The following CHD6 variants were observed in gnomAD, a reference collection of about 807,000 sequenced individuals.
The protein encoded by CHD6 is chromodomain helicase DNA binding protein 6, also known as ATP-dependent chromatin remodeler CHD6.
A neutral mutation model predicts 276.9 loss-of-function variants in CHD6; 50 were observed. That is an observed-to-expected ratio of 0.18 (90% CI 0.14 to 0.23). CHD6 has a LOEUF of 0.23. CHD6 is among the 10% of genes least tolerant of loss of function. CHD6 has a pLI of 1.00. For synonymous variants in CHD6, 1,173 were observed against 1,229.3 expected, an observed-to-expected ratio of 0.95 and a Z score of 0.96; for missense variants, 2,564 against 3,365.8, an observed-to-expected ratio of 0.76 and a Z score of 5.89.
intron 5 of CHD6, among the ~76,000 whole-genome samples, chr20:41,501,934 G>A (rs1018617643): frequency 7.2e-5 from 11 of 151,958 alleles, no homozygotes; most frequent in African/African-American, 2.7e-4. Context: ...CTGGACATTT[G>A]GATATCCTCT....
At chr20:41,506,618 G>A (rs569773726) in intron 5 of CHD6, among the ~76,000 whole-genome samples, 1 of 152,142 alleles carries the variant, frequency 6.6e-6, no homozygotes, top group Non-Finnish European at 1.5e-5. Flanking sequence ...TGCCATTGAT[G>A]TACTAGGTAA....
chr20:41,498,799 ATGTATGTATGTATGTG>A (rs754360468), intron 6 of CHD6, among the ~76,000 whole-genome samples: 60 of 94,814 alleles, frequency 6.3e-4, no homozygotes, highest in African/African-American at 2.6e-3. Context: ...GTATGTATGT[ATGTATGTATGTATGTG>A]TGTGTGTGTG....
At chr20:41,514,190 G>A (rs754966730) in intron 4 of CHD6, among the ~76,000 whole-genome samples, 21 of 152,244 alleles carry the variant, frequency 1.4e-4, no homozygotes, top group Non-Finnish European at 2.9e-4. Flanking sequence ...TTCTAAATGA[G>A]CCTTGCAGCA....
chr20:41,560,869 C>T (rs1373731971), intron 1 of CHD6, among the ~76,000 whole-genome samples: 3 of 151,882 alleles, frequency 2.0e-5, no homozygotes, highest in South Asian at 4.1e-4. Flanking sequence ...ATTCTACTCC[C>T]CACTCCTGAT....
At position 41,403,303 on chromosome 20, in the gene CHD6, A is replaced by G; in HGVS notation, c.*1290T>C. On this transcript the variant is annotated 3_prime_UTR_variant, in exon 37 of 37. Coordinates refer to ENST00000373233, the MANE Select transcript of CHD6 (RefSeq NM_032221.5). ...ACCATGAGCTTACTTCAAGTCTCAG[A>G]GTGTGAACTACCTGTGAAGAGTGAG... 1 of 1,063,366 alleles carries G rather than the reference A, an allele frequency of 9.4e-7. No homozygotes were observed. The highest frequency in any genetic ancestry group is 1.1e-6 in the Non-Finnish European group (1 of 877,740). The allele number at this position is 1,063,366 out of a possible 1,614,324, so 65.9% of individuals were successfully genotyped here.
rs141483002 is a variant in CHD6, at chr20:41,441,710, G to A, written c.3878-1581C>T. 2.9e-3 allele frequency among the ~76,000 whole-genome samples: 449 copies of A among 152,304 alleles called. 2 individuals carry two copies. Among genetic ancestry groups the A allele is most frequent in the African/African-American group, 0.01 (422 of 41,552 alleles). ...TATTTCTCAATTAGCTGTGAAGCTG[G>A]AGGTGAGGAAGAATGACTCTTTCAG... On this transcript the variant is annotated intron_variant, in intron 25 of 36. Transcript: ENST00000373233.
chr20:41,530,094 T>TGGC (rs1288287723), intron 3 of CHD6, among the ~76,000 whole-genome samples: 1 of 152,200 alleles, frequency 6.6e-6, no homozygotes, highest in East Asian at 1.9e-4. Flanking sequence ...CCTGCAGTGC[T>TGGC]GGCAGATAAA....
intron 1 of CHD6, among the ~76,000 whole-genome samples, chr20:41,554,374 ATTTT>A (rs1317998655): frequency 5.1e-5 from 7 of 138,324 alleles, no homozygotes; most frequent in Admixed American, 2.2e-4. Flanking sequence ...TGGCACTTTT[ATTTT>A]TTATTTATTT....
chr20:41,404,989 A>G lies in CHD6; in HGVS notation c.7752T>C (p.Ala2584=). 1 of 1,614,232 alleles carries G rather than the reference A, an allele frequency of 6.2e-7. No homozygotes were observed. The stretch of plus-strand genomic sequence containing the variant: ...ATGGACCTGGACCAGGCTTGTCCTC[A>G]GCTAAAGTGTCTGTTTTCACATCAT... ...SSHDVKTDTL[A]EDKPGPGPFS... The change falls in exon 37 of 37, where the codon GCT becomes GCC. Residue 2584 remains alanine (A), a synonymous_variant. Transcript: ENST00000373233.
chr20:41,507,556 AG>A (rs951271299), intron 5 of CHD6, among the ~76,000 whole-genome samples: 2 of 152,196 alleles, frequency 1.3e-5, no homozygotes, highest in African/African-American at 2.4e-5. Flanking sequence ...CTGGAAAATC[AG>A]GATCTTTTTT....
chr20:41,463,802 T>C (rs2145731017), intron 17 of CHD6, among the ~76,000 whole-genome samples: 1 of 152,306 alleles, frequency 6.6e-6, no homozygotes, highest in Non-Finnish European at 1.5e-5. Context: ...ATGATAAGAC[T>C]TGAATATGAA....
chr20:41,546,945 A>G (rs1432559666), intron 2 of CHD6, among the ~76,000 whole-genome samples: 2 of 152,244 alleles, frequency 1.3e-5, no homozygotes, highest in African/African-American at 4.8e-5. Flanking sequence ...TCTGGTTAAT[A>G]AGAAGCACGA....
Position 41,457,375 on chromosome 20 carries a change from G to A in CHD6, c.2718C>T (p.Arg906=), listed in dbSNP as rs2048407675. 6.2e-7 allele frequency: 1 copy of A among 1,613,996 alleles called. No individual in the cohort carries two copies. The highest frequency in any genetic ancestry group is 1.1e-5 in the South Asian group (1 of 91,078). Reference sequence around the variant, plus strand: ...GCTCGTAGGAATTTCGAGTGATGAGGCGATACACCTTCACAGCTTTGCTCT... The same window carrying A: ...GCTCGTAGGAATTTCGAGTGATGAGACGATACACCTTCACAGCTTTGCTCT... ...IGQSKAVKVY[R]LITRNSYERE... is the part of the protein sequence containing the mutation. Residue 906 remains arginine (R), a synonymous_variant, in exon 18 of 37, where the codon CGC becomes CGT. Transcript: ENST00000373233.
Position 41,473,219 on chromosome 20 carries a change from A to G in CHD6, c.2664+103T>C, listed in dbSNP as rs377178492. On this transcript the variant is annotated intron_variant, in intron 17 of 36. Coordinates refer to ENST00000373233, the MANE Select transcript of CHD6 (RefSeq NM_032221.5). The surrounding 1 kb of genome is among the most constrained non-coding windows in gnomAD (Gnocchi z 4.1). ...CTAAGCCTGTCATCCAGCTGACACC[A>G]TAGCATAGAGCATCACGGATGCTCT... The G allele has an allele frequency of 4.7e-5, 52 of 1,103,176 alleles. No homozygotes were observed. In the East Asian group the frequency reaches 1.2e-3, roughly 24 times the overall value. 68.3% of individuals were successfully genotyped at this position (1,103,176 alleles called of 1,614,324 possible).
chr20:41,458,971 C>G (rs924737010), intron 17 of CHD6, among the ~76,000 whole-genome samples: 1 of 152,090 alleles, frequency 6.6e-6, no homozygotes, highest in Admixed American at 6.5e-5. Context: ...AAGTCTGGAG[C>G]CTTGGACTTC....
intron 27 of CHD6, among the ~76,000 whole-genome samples, chr20:41,431,261 G>C (rs560062214): frequency 3.9e-4 from 60 of 152,280 alleles, no homozygotes; most frequent in Middle Eastern, 3.4e-3. Context: ...ATGCATCTTT[G>C]AAAAATTATT....
At chr20:41,510,492 A>G (rs2044092698) in intron 5 of CHD6, among the ~76,000 whole-genome samples, 1 of 152,206 alleles carries the variant, frequency 6.6e-6, no homozygotes, top group Non-Finnish European at 1.5e-5. Context: ...TCAAAGCCAA[A>G]ACCATGAATC....
chr20:41,594,497 A>G (rs1005791067), intron 1 of CHD6, among the ~76,000 whole-genome samples: 1 of 152,194 alleles, frequency 6.6e-6, no homozygotes, highest in South Asian at 2.1e-4. Context: ...ATCTTTTAAG[A>G]ATCAGAAGAA....
At chr20:41,414,866 C>A in intron 34 of CHD6, 1 of 1,217,666 alleles carries the variant, frequency 8.2e-7, no homozygotes, top group South Asian at 2.4e-5. Context: ...AGCCGCTGCA[C>A]ACTCAACCCT....
Sources: gnomAD v4.1 joint callset for allele counts (sites outside exome capture counted in the v4.1 genomes callset) on GRCh38, gnomAD v4.1.1 for gene constraint, Gnocchi (gnomAD v3.1) non-coding constraint, MANE v1.5 for transcripts, NCBI Gene and HGNC (gene_info 2026-07-23, HGNC 2026-07-21) for gene names.